Variants in MGMT observed in about 807,000 individuals in gnomAD.
MGMT encodes methylated-DNA--protein-cysteine methyltransferase.
MGMT carries 14 observed loss-of-function variants against 15.9 expected under a neutral mutation model. The observed-to-expected ratio is 0.88, with a 90% CI of 0.58 to 1.37. The LOEUF (loss-of-function observed/expected upper bound fraction) is 1.37, where lower values mean the gene tolerates loss of function less well. MGMT is among the 40% of genes most tolerant of loss of function. The pLI, the probability that MGMT is intolerant of heterozygous loss-of-function variation, is 0.00. For synonymous variants in MGMT, 130 were observed against 118.2 expected, an observed-to-expected ratio of 1.10 and a Z score of -0.65; for missense variants, 282 against 268.1, an observed-to-expected ratio of 1.05 and a Z score of -0.36.
At chr10:129,559,792 T>C (rs1292281282) in intron 2 of MGMT, among the ~76,000 whole-genome samples, 1 of 152,206 alleles carries the variant, frequency 6.6e-6, no homozygotes, top group East Asian at 1.9e-4. Flanking sequence ...TACAAACTTT[T>C]AAAGTTTTTC....
rs1846727288 is a variant in MGMT, at chr10:129,594,491, G to A, written c.125+58114G>A. Among the ~76,000 whole-genome samples, 7 of 152,344 alleles carry A rather than the reference G, an allele frequency of 4.6e-5. No homozygotes were observed. The South Asian group carries it at 1.4e-3, about 32-fold the overall frequency. ...GAATTACTCTAGCAAAAGGCTCAGA[G>A]GGTACTGCTATGAGAAGCTGGATCT... On this transcript the variant is annotated intron_variant, in intron 2 of 4. Transcript: ENST00000651593.
In MGMT at chr10:129,707,947, A is replaced by C. The variant is rs376750435; in HGVS notation, c.178A>C (p.Met60Leu). Residue 60 changes from methionine to leucine, a missense_variant, in exon 3 of 5, where the codon ATG becomes CTG. By Grantham distance (15) the Met-to-Leu change is conservative. Coordinates refer to ENST00000651593, the MANE Select transcript of MGMT (RefSeq NM_002412.5). The stretch of plus-strand genomic sequence containing the variant: ...GGTTCTCGGAGGTCCGGAGCCCCTG[A>C]TGCAGTGCACAGCCTGGCTGAATGC... ...AAVLGGPEPLMQCTAWLNAYF... is the reference protein window; with the variant it reads ...AAVLGGPEPLLQCTAWLNAYF... The C allele has an allele frequency of 6.2e-6, 10 of 1,613,016 alleles. No homozygotes were observed. Among genetic ancestry groups the C allele is most frequent in the Non-Finnish European group, 8.5e-6 (10 of 1,179,996 alleles).
intron 2 of MGMT, among the ~76,000 whole-genome samples, chr10:129,586,268 AC>A (rs963196584): frequency 1.6e-4 from 25 of 152,196 alleles, no homozygotes; most frequent in African/African-American, 5.5e-4. Flanking sequence ...CCTATGGATG[AC>A]CCCAATCAAA....
At position 129,510,043 on chromosome 10, in the gene MGMT, C is replaced by T. The variant is rs963830415; in HGVS notation, c.-12-26198C>T. Among the ~76,000 whole-genome samples the T allele has an allele frequency of 1.2e-4, 19 of 152,152 alleles. 1 individual carries two copies. The highest frequency in any genetic ancestry group is 1.1e-3 in the Admixed American group (17 of 15,276). ...ACAGTGTCCATCTGGGGTCCTGGAGCGGCCTGGGTTCTTCCCGCAGGGTGC... is the reference window on the plus strand; with the variant it reads ...ACAGTGTCCATCTGGGGTCCTGGAGTGGCCTGGGTTCTTCCCGCAGGGTGC... On this transcript the variant is annotated intron_variant, in intron 1 of 4. Coordinates refer to ENST00000651593, the MANE Select transcript of MGMT (RefSeq NM_002412.5).
At chr10:129,608,032 C>G (rs1846913333) in intron 2 of MGMT, among the ~76,000 whole-genome samples, 1 of 152,132 alleles carries the variant, frequency 6.6e-6, no homozygotes, top group Non-Finnish European at 1.5e-5. Context: ...GTAATATTGC[C>G]TGACCTCATA....
At chr10:129,735,111 G>C (rs1236423882) in intron 3 of MGMT, among the ~76,000 whole-genome samples, 1 of 152,146 alleles carries the variant, frequency 6.6e-6, no homozygotes, top group South Asian at 2.1e-4. Context: ...CTTTTCTATT[G>C]ATTGGAATAG....
chr10:129,741,237 G>A (rs908320754), intron 3 of MGMT, among the ~76,000 whole-genome samples: 3 of 152,280 alleles, frequency 2.0e-5, no homozygotes, highest in South Asian at 2.1e-4. Context: ...ATAACAGGCC[G>A]TGTCTACTTG....
At chr10:129,739,197 A>G (rs1589968996) in intron 3 of MGMT, among the ~76,000 whole-genome samples, 2 of 152,226 alleles carry the variant, frequency 1.3e-5, no homozygotes, top group African/African-American at 4.8e-5. Flanking sequence ...AGCCAATATC[A>G]TACTGAATGG....
rs1848989885 is a variant in MGMT, at chr10:129,770,629, T to C, written c.*3632T>C. Among the ~76,000 whole-genome samples, 1 of 152,360 alleles carries C rather than the reference T, an allele frequency of 6.6e-6. No homozygotes were observed. The highest frequency in any genetic ancestry group is 2.1e-4 in the South Asian group (1 of 4,828). ...AGATTGTTCATGAAGCTACAGATCTTAGTGCTACTTGGGCTTCTCACAGCA... is the reference window on the plus strand; with the variant it reads ...AGATTGTTCATGAAGCTACAGATCTCAGTGCTACTTGGGCTTCTCACAGCA... On this transcript the variant is annotated 3_prime_UTR_variant, in exon 5 of 5. Transcript: ENST00000651593.
chr10:129,656,333 G>A (rs1162732966), intron 2 of MGMT, among the ~76,000 whole-genome samples: 2 of 152,228 alleles, frequency 1.3e-5, no homozygotes, highest in African/African-American at 4.8e-5. Context: ...TCAGCCCCGA[G>A]CATGGGAGGG....
intron 1 of MGMT, among the ~76,000 whole-genome samples, chr10:129,513,237 G>A (rs1167370013): frequency 6.6e-6 from 1 of 151,508 alleles, no homozygotes; most frequent in Non-Finnish European, 1.5e-5. Flanking sequence ...GGTGCTGGGG[G>A]GTGGGGAGAG....
chr10:129,597,601 G>C (rs966355343), intron 2 of MGMT, among the ~76,000 whole-genome samples: 1 of 152,188 alleles, frequency 6.6e-6, no homozygotes, highest in African/African-American at 2.4e-5. Context: ...TTATCCAAAA[G>C]CTCAAGGTGA....
chr10:129,486,928 T>C (rs1181446383), intron 1 of MGMT, among the ~76,000 whole-genome samples: 1 of 152,224 alleles, frequency 6.6e-6, no homozygotes, highest in African/African-American at 2.4e-5. Context: ...GTCAGGACTT[T>C]AATCAGTTAA....
intron 3 of MGMT, among the ~76,000 whole-genome samples, chr10:129,711,074 C>T (rs952342094): frequency 2.0e-5 from 3 of 152,142 alleles, no homozygotes; most frequent in Admixed American, 1.3e-4. Context: ...GCTGGTAAAA[C>T]TTCTGACTGC....
intron 2 of MGMT, among the ~76,000 whole-genome samples, chr10:129,662,343 C>A (rs568586273): frequency 6.6e-6 from 1 of 152,116 alleles, no homozygotes. Flanking sequence ...TCCCAGCTCG[C>A]CTGTGACTGA....
At chr10:129,485,804 A>G (rs1845402634) in intron 1 of MGMT, among the ~76,000 whole-genome samples, 1 of 152,190 alleles carries the variant, frequency 6.6e-6, no homozygotes, top group Admixed American at 6.5e-5. Flanking sequence ...TAGTGGACTC[A>G]TAAAAATAAA....
chr10:129,589,989 G>A (rs539273151), intron 2 of MGMT, among the ~76,000 whole-genome samples: 46 of 152,290 alleles, frequency 3.0e-4, no homozygotes, highest in African/African-American at 1.0e-3. Context: ...GAGGGTGGGC[G>A]AGACTGAGAG....
intron 2 of MGMT, among the ~76,000 whole-genome samples, chr10:129,655,117 C>T (rs564913498): frequency 5.3e-5 from 8 of 152,316 alleles, no homozygotes; most frequent in South Asian, 2.1e-4. Flanking sequence ...TGCACCCACC[C>T]GGAGGTATGC....
intron 2 of MGMT, among the ~76,000 whole-genome samples, chr10:129,681,176 G>C (rs1847848291): frequency 6.6e-6 from 1 of 152,224 alleles, no homozygotes; most frequent in Non-Finnish European, 1.5e-5. Context: ...GTAGCACCGG[G>C]TGCGCTGTGG....
Sources: allele counts gnomAD v4.1 joint callset (sites outside exome capture counted in the v4.1 genomes callset), GRCh38; gene constraint gnomAD v4.1.1; transcripts MANE v1.5; gene names NCBI Gene and HGNC (gene_info 2026-07-23, HGNC 2026-07-21).